The following RAD50 variants were observed in gnomAD, a reference collection of about 807,000 sequenced individuals.
RAD50 encodes the protein RAD50 double strand break repair protein, also known as DNA repair protein RAD50.
Under a neutral mutation model 168.8 loss-of-function variants are expected in RAD50, and 132 were observed. The ratio of observed to expected loss-of-function variants is 0.78; its 90% CI spans 0.68 to 0.90. The LOEUF is 0.90. RAD50 is among the 40% of genes least tolerant of loss of function. The probability of loss-of-function intolerance (pLI) is 0.00; values close to 1 mark genes in which losing one functional copy is unlikely to be tolerated. For synonymous variants in RAD50, 525 were observed against 497.4 expected (o/e 1.06, Z -0.74); for missense variants, 1,347 against 1,534.4 (o/e 0.88, Z 2.04).
chr5:132,611,660 C>G (rs1302225314), intron 19 of RAD50, among the ~76,000 whole-genome samples: 1 of 145,454 alleles, frequency 6.9e-6, no homozygotes, highest in Non-Finnish European at 1.5e-5. Context: ...GAGCCGAGAT[C>G]GCACCACTGC....
intron 1 of RAD50, among the ~76,000 whole-genome samples, chr5:132,558,154 A>G (rs1175421666): frequency 6.6e-6 from 1 of 152,238 alleles, no homozygotes; most frequent in Non-Finnish European, 1.5e-5. Context: ...GGATTTGTGA[A>G]GAGTGTAGAA....
intron 21 of RAD50, among the ~76,000 whole-genome samples, chr5:132,625,565 ATAC>A (rs1288439293): frequency 6.6e-6 from 1 of 152,126 alleles, no homozygotes; most frequent in Non-Finnish European, 1.5e-5. Flanking sequence ...CATTCCAATT[ATAC>A]TATTTAGTTA....
Position 132,591,889 on chromosome 5 carries a change from G to GAAC in RAD50, c.1651_1653dup (p.Gln551dup), listed in dbSNP as rs1463546188. 9.4e-6 allele frequency: 15 copies of GAAC among 1,603,496 alleles called. No homozygotes were observed. The highest frequency in any genetic ancestry group is 1.3e-5 in the Non-Finnish European group (15 of 1,171,958). ...TTTTTACCTATAGGCTGACAAAGATGAACAAATCAGAAAAATAAAATCTAG... is the reference window on the plus strand; with the variant it reads ...TTTTTACCTATAGGCTGACAAAGATGAACAACAAATCAGAAAAATAAAATCTAG... On this transcript the variant is annotated inframe_insertion, in exon 11 of 25. Coordinates refer to ENST00000378823, the MANE Select transcript of RAD50 (RefSeq NM_005732.4).
In RAD50 at chr5:132,573,007, CTT is replaced by C. The variant is rs541375759; in HGVS notation, c.214-2769_214-2768del. ...TATGCCACAGCTGAGTTAATGGTAA[CTT>C]ATCACATTTTGGAACAACTGGCAAA... is the stretch of plus-strand genomic sequence containing the variant. On this transcript the variant is annotated intron_variant, in intron 2 of 24. Coordinates refer to ENST00000378823, the MANE Select transcript of RAD50 (RefSeq NM_005732.4). Among the ~76,000 whole-genome samples the C allele has an allele frequency of 4.9e-4, 75 of 152,308 alleles. 1 individual carries two copies. In the South Asian group the frequency reaches 0.015, roughly 31 times the overall value.
At chr5:132,616,752 G>T (rs779462827) in intron 20 of RAD50, among the ~76,000 whole-genome samples, 2 of 152,152 alleles carry the variant, frequency 1.3e-5, no homozygotes, top group Non-Finnish European at 2.9e-5. Flanking sequence ...ATAAAAGGTT[G>T]TACTAGGCAA....
chr5:132,601,921 G>A (rs907128574), intron 13 of RAD50, among the ~76,000 whole-genome samples: 3 of 152,086 alleles, frequency 2.0e-5, no homozygotes, highest in Admixed American at 2.0e-4. Context: ...AATGGGAGTT[G>A]AACAATGAGA....
chr5:132,578,016 T>A (rs1466907221), intron 3 of RAD50, among the ~76,000 whole-genome samples: 1 of 152,104 alleles, frequency 6.6e-6, no homozygotes, highest in Non-Finnish European at 1.5e-5. Flanking sequence ...GGTTTCACCA[T>A]GTTAGCCAGA....
intron 16 of RAD50, among the ~76,000 whole-genome samples, chr5:132,606,840 A>C (rs1437670591): frequency 6.6e-6 from 1 of 152,224 alleles, no homozygotes; most frequent in Non-Finnish European, 1.5e-5. Context: ...AATGTAATCC[A>C]TCACATGAAC....
At position 132,644,199 on chromosome 5, in the gene RAD50, T is replaced by C. The variant is rs555895619; in HGVS notation, c.*1835T>C. ...AAAACAGACTTCCCAATTTTAAATC[T>C]GGTTTCCCCCTGAATATGTGGCATC... On this transcript the variant is annotated 3_prime_UTR_variant, in exon 25 of 25. Coordinates refer to ENST00000378823, the MANE Select transcript of RAD50 (RefSeq NM_005732.4). 124 of 178,024 alleles carry C rather than the reference T, an allele frequency of 7.0e-4. No individual in the cohort carries two copies. The highest frequency in any genetic ancestry group is 1.2e-3 in the Non-Finnish European group (100 of 82,852). The allele number at this position is 178,024 out of a possible 1,614,324, so 11.0% of individuals were successfully genotyped here.
chr5:132,582,202 A>AAT (rs1221321957), intron 5 of RAD50, among the ~76,000 whole-genome samples: 1 of 152,220 alleles, frequency 6.6e-6, no homozygotes, highest in East Asian at 1.9e-4. Flanking sequence ...GCTAAATGAT[A>AAT]ATACCTAGGA....
rs1479877074 is a variant in RAD50, at chr5:132,645,976, T to C, written c.*3612T>C. On this transcript the variant is annotated 3_prime_UTR_variant, in exon 25 of 25. Transcript: ENST00000378823. ...GGTGGTGCACACCTGTAGTCTCAGC[T>C]ACTTGGCTGAGATAGGATCCCTGGA... 1 of 151,620 alleles carries C rather than the reference T, an allele frequency of 6.6e-6. No homozygotes were observed. Among genetic ancestry groups the C allele is most frequent in the African/African-American group, 2.4e-5 (1 of 41,274 alleles). The allele number at this position is 151,620 out of a possible 1,614,324, so 9.4% of individuals were successfully genotyped here. A position where few individuals can be genotyped will look rare whatever the true frequency, so the allele number is the denominator to read the frequency against.
Position 132,616,149 on chromosome 5 carries a change from C to A in RAD50, c.3164+19C>A, listed in dbSNP as rs2149853047. 1 of 1,605,964 alleles carries A rather than the reference C, an allele frequency of 6.2e-7. No homozygotes were observed. Among genetic ancestry groups the A allele is most frequent in the South Asian group, 1.1e-5 (1 of 90,556 alleles). On this transcript the variant is annotated intron_variant, in intron 20 of 24. Transcript: ENST00000378823. ...TGAAAAGGTATGCTTTTAAAATAAT[C>A]TTCAGTTTAAATAAACGTCTTTATT...
intron 5 of RAD50, among the ~76,000 whole-genome samples, chr5:132,581,243 G>A (rs1381004579): frequency 6.6e-6 from 1 of 151,636 alleles, no homozygotes; most frequent in Non-Finnish European, 1.5e-5. Context: ...GGGATTACAG[G>A]CATGAGCCAC....
In RAD50 at chr5:132,557,287, G is replaced by A. The variant is rs4526098; in HGVS notation, c.-38G>A. On this transcript the variant is annotated 5_prime_UTR_variant, in exon 1 of 25. Coordinates refer to ENST00000378823, the MANE Select transcript of RAD50 (RefSeq NM_005732.4). ...TTCGGCCTCAGTTAAGCCTTTGTGG[G>A]CTCCAGGTCCCTGGTGAGATTAGAA... 0.98 allele frequency: 1,587,181 copies of A among 1,611,840 alleles called. 783,609 individuals carry two copies. Among genetic ancestry groups the A allele is most frequent in the East Asian group, 1 (44,868 of 44,872 alleles).
intron 2 of RAD50, among the ~76,000 whole-genome samples, chr5:132,567,880 CTT>C (rs35338440): frequency 1.3e-5 from 2 of 152,084 alleles, no homozygotes; most frequent in African/African-American, 4.8e-5. Flanking sequence ...AAACTCAAGA[CTT>C]TTTAAAGGAA....
At chr5:132,584,156 T>A (rs916249892) in intron 5 of RAD50, among the ~76,000 whole-genome samples, 29 of 152,192 alleles carry the variant, frequency 1.9e-4, no homozygotes, top group African/African-American at 7.0e-4. Flanking sequence ...TTTCTCCACA[T>A]CCTCTCCAGC....
At chr5:132,593,485 T>C (rs188228643) in intron 11 of RAD50, 15 of 152,316 alleles carry the variant, frequency 9.8e-5, no homozygotes, top group African/African-American at 3.4e-4. Flanking sequence ...CCCTTGAAAA[T>C]TTGTAGACCT....
chr5:132,627,379 A>G (rs1751389304), intron 21 of RAD50, among the ~76,000 whole-genome samples: 1 of 152,210 alleles, frequency 6.6e-6, no homozygotes, highest in Non-Finnish European at 1.5e-5. Context: ...CTAAGTATAT[A>G]AGGATGAAGA....
intron 5 of RAD50, among the ~76,000 whole-genome samples, chr5:132,582,926 G>T (rs747032364): frequency 3.9e-5 from 6 of 152,128 alleles, no homozygotes; most frequent in Non-Finnish European, 7.3e-5. Flanking sequence ...AGGGGATCTG[G>T]TGACTGGCTG....
Sources: gnomAD v4.1 joint callset for allele counts (sites outside exome capture counted in the v4.1 genomes callset) on GRCh38, gnomAD v4.1.1 for gene constraint, MANE v1.5 for transcripts, NCBI Gene and HGNC (gene_info 2026-07-23, HGNC 2026-07-21) for gene names.